Variants in DNER observed in about 807,000 individuals in gnomAD.
DNER encodes the protein delta and Notch-like epidermal growth factor-related receptor.
Under a neutral mutation model 78.2 loss-of-function variants are expected in DNER, and 33 were observed. The observed-to-expected ratio is 0.42, with a 90% CI of 0.32 to 0.56. The LOEUF is 0.56. Ranked by LOEUF, DNER falls within the 20% of genes least tolerant of loss-of-function variation. The pLI, the probability that DNER is intolerant of heterozygous loss-of-function variation, is 0.11. For missense variants in DNER, 918 were observed against 975.3 expected, an observed-to-expected ratio of 0.94 and a Z score of 0.78; for synonymous variants, 417 against 384.8, an observed-to-expected ratio of 1.08 and a Z score of -0.98.
chr2:229,630,514 AT>A lies in DNER; in HGVS notation c.277-38627del, dbSNP rs1168864906. ...AATAATAATAATAATAATAATAATA[AT>A]AATAATAAAATCTTCTGGCAGATGT... On this transcript the variant is annotated intron_variant, in intron 1 of 12. Transcript: ENST00000341772. Among the ~76,000 whole-genome samples, 1,097 of 149,024 alleles carry A rather than the reference AT, an allele frequency of 7.4e-3. 9 individuals are homozygous for A. Among genetic ancestry groups the A allele is most frequent in the African/African-American group, 0.025 (1,029 of 40,944 alleles).
intron 7 of DNER, among the ~76,000 whole-genome samples, chr2:229,467,533 G>C (rs1694830415): frequency 6.6e-6 from 1 of 152,148 alleles, no homozygotes; most frequent in Admixed American, 6.5e-5. Flanking sequence ...GCCTCGACCT[G>C]AATAGTTCAG....
chr2:229,655,426 A>G (rs1213692723), intron 1 of DNER, among the ~76,000 whole-genome samples: 3 of 152,154 alleles, frequency 2.0e-5, no homozygotes, highest in African/African-American at 4.8e-5. Context: ...CGATTTAAAT[A>G]CCATCAGACT....
intron 9 of DNER, among the ~76,000 whole-genome samples, chr2:229,414,948 A>C (rs1464227284): frequency 3.9e-5 from 6 of 152,156 alleles, no homozygotes; most frequent in African/African-American, 1.4e-4. Flanking sequence ...GGATCACCTG[A>C]GGTCGGGAGT....
intron 1 of DNER, among the ~76,000 whole-genome samples, chr2:229,628,038 A>T (rs575117635): frequency 7.2e-5 from 11 of 152,312 alleles, no homozygotes; most frequent in South Asian, 2.1e-4. Flanking sequence ...CCAATAGAGC[A>T]GGGTAGACCA....
chr2:229,545,879 T>C (rs546211209), intron 5 of DNER, among the ~76,000 whole-genome samples: 1 of 152,330 alleles, frequency 6.6e-6, no homozygotes, highest in South Asian at 2.1e-4. Flanking sequence ...TCTGTAACTC[T>C]ATTATCATAG....
rs184250687 is a variant in DNER, at chr2:229,418,820, C to T, written c.1487-590G>A. On this transcript the variant is annotated intron_variant, in intron 8 of 12. Transcript: ENST00000341772. Reference sequence around the variant, plus strand: ...CCTGTAATCCCAGCTACTCAGTAGGCTGAGGCAGGAGAATCACTTGAACCT... The same window carrying T: ...CCTGTAATCCCAGCTACTCAGTAGGTTGAGGCAGGAGAATCACTTGAACCT... Among the ~76,000 whole-genome samples, 132 of 152,090 alleles carry T rather than the reference C, an allele frequency of 8.7e-4. 1 individual carries two copies. Among genetic ancestry groups the T allele is most frequent in the Middle Eastern group, 3.4e-3 (1 of 294 alleles).
At chr2:229,532,270 T>C (rs1315847880) in intron 5 of DNER, among the ~76,000 whole-genome samples, 1 of 152,134 alleles carries the variant, frequency 6.6e-6, no homozygotes, top group African/African-American at 2.4e-5. Context: ...CTTACCTCTG[T>C]CAATTCCATC....
At chr2:229,500,776 T>C (rs1438971297) in intron 6 of DNER, among the ~76,000 whole-genome samples, 1 of 151,796 alleles carries the variant, frequency 6.6e-6, no homozygotes, top group Non-Finnish European at 1.5e-5. Flanking sequence ...TGGCGATATG[T>C]AAGATTTCGA....
At chr2:229,643,807 A>T (rs1470522514) in intron 1 of DNER, among the ~76,000 whole-genome samples, 1 of 152,198 alleles carries the variant, frequency 6.6e-6, no homozygotes, top group African/African-American at 2.4e-5. Flanking sequence ...TTATCTCTGT[A>T]TCATTTTCTT....
intron 1 of DNER, among the ~76,000 whole-genome samples, chr2:229,612,601 G>T (rs1464940610): frequency 6.6e-6 from 1 of 152,192 alleles, no homozygotes; most frequent in Non-Finnish European, 1.5e-5. Context: ...CAGAAGCCTC[G>T]CTGCGGACAC....
chr2:229,589,674 T>C (rs1697565347), intron 2 of DNER, among the ~76,000 whole-genome samples: 1 of 152,186 alleles, frequency 6.6e-6, no homozygotes, highest in African/African-American at 2.4e-5. Context: ...TTTAAATAAA[T>C]AGATTGAAAT....
At chr2:229,429,799 C>G (rs1693967368) in intron 8 of DNER, among the ~76,000 whole-genome samples, 1 of 152,200 alleles carries the variant, frequency 6.6e-6, no homozygotes, top group South Asian at 2.1e-4. Flanking sequence ...TACGAAACAG[C>G]CTGTTTATGT....
intron 4 of DNER, among the ~76,000 whole-genome samples, chr2:229,569,452 G>A (rs1697175847): frequency 6.6e-6 from 1 of 152,120 alleles, no homozygotes; most frequent in South Asian, 2.1e-4. Flanking sequence ...AACCTGGGAG[G>A]CAGAGGTTGC....
chr2:229,624,672 C>T (rs1265843965), intron 1 of DNER, among the ~76,000 whole-genome samples: 1 of 152,200 alleles, frequency 6.6e-6, no homozygotes, highest in Non-Finnish European at 1.5e-5. Context: ...GGTACGTTTG[C>T]CTGCATGCAA....
At position 229,529,901 on chromosome 2, in the gene DNER, C is replaced by T. The variant is rs73105607; in HGVS notation, c.994-16965G>A. On this transcript the variant is annotated intron_variant, in intron 5 of 12. Transcript: ENST00000341772. The stretch of plus-strand genomic sequence containing the variant: ...GTATACCCGTGTGGTCCCAGCTGCT[C>T]AGGAGACTGAGGCGGGAGGATTGGT... 9.6e-3 allele frequency among the ~76,000 whole-genome samples: 1,458 copies of T among 152,142 alleles called. 37 individuals carry two copies. Among genetic ancestry groups the T allele is most frequent in the African/African-American group, 0.033 (1,386 of 41,520 alleles).
chr2:229,528,049 C>G, intron 5 of DNER, among the ~76,000 whole-genome samples: 1 of 152,196 alleles, frequency 6.6e-6, no homozygotes, highest in East Asian at 1.9e-4. Flanking sequence ...GTGCTAATGA[C>G]TCGAACTCAG....
chr2:229,601,442 G>C (rs559895956), intron 1 of DNER, among the ~76,000 whole-genome samples: 1 of 152,254 alleles, frequency 6.6e-6, no homozygotes, highest in African/African-American at 2.4e-5. Flanking sequence ...TCGCTTTACT[G>C]AATCAAGAAC....
chr2:229,368,030 T>A (rs1692390355), intron 11 of DNER, among the ~76,000 whole-genome samples: 1 of 152,206 alleles, frequency 6.6e-6, no homozygotes, highest in African/African-American at 2.4e-5. Context: ...TATTTTACCA[T>A]TTTTCTTTAG....
chr2:229,529,843 A>G lies in DNER; in HGVS notation c.994-16907T>C, dbSNP rs138353046. On this transcript the variant is annotated intron_variant, in intron 5 of 12. Coordinates refer to ENST00000341772, the MANE Select transcript of DNER (RefSeq NM_139072.4). ...GGCAACATAGGGATACCCTGTCTCT[A>G]CGAAAAATAAAAAATTAGCTGGGCA... 3.0e-3 allele frequency among the ~76,000 whole-genome samples: 455 copies of G among 152,282 alleles called. 3 individuals are homozygous for G. The highest frequency in any genetic ancestry group is 1.0e-2 in the African/African-American group (414 of 41,560).
Sources: gnomAD v4.1 joint callset for allele counts (sites outside exome capture counted in the v4.1 genomes callset) on GRCh38, gnomAD v4.1.1 for gene constraint, MANE v1.5 for transcripts, NCBI Gene and HGNC (gene_info 2026-07-23, HGNC 2026-07-21) for gene names.